Variants in DOCK8 observed in about 807,000 individuals in gnomAD.
DOCK8 encodes dedicator of cytokinesis 8.
DOCK8 carries 141 observed loss-of-function variants against 245.6 expected under a neutral mutation model. The observed-to-expected ratio is 0.57, with a 90% CI of 0.50 to 0.66. DOCK8 has a LOEUF of 0.66. Ranked by LOEUF, DOCK8 falls within the 30% of genes least tolerant of loss-of-function variation. The pLI is 0.00. For synonymous variants in DOCK8, 1,168 were observed against 970.2 expected, an observed-to-expected ratio of 1.20 and a Z score of -3.79; for missense variants, 2,965 against 2,603.4, an observed-to-expected ratio of 1.14 and a Z score of -3.02.
chr9:239,167 G>C (rs1049130220), intron 1 of DOCK8, among the ~76,000 whole-genome samples: 8 of 152,170 alleles, frequency 5.3e-5, no homozygotes, highest in African/African-American at 1.9e-4. Flanking sequence ...GCTGTATTTA[G>C]AGTTCACAAA....
At chr9:428,910 C>T (rs759068727) in intron 35 of DOCK8, among the ~76,000 whole-genome samples, 21 of 152,328 alleles carry the variant, frequency 1.4e-4, no homozygotes, top group Middle Eastern at 3.4e-3. Flanking sequence ...GAATTTCTCA[C>T]GGCCTGAGGA....
chr9:236,539 C>T (rs1032904728), intron 1 of DOCK8, among the ~76,000 whole-genome samples: 2 of 152,170 alleles, frequency 1.3e-5, no homozygotes, highest in Non-Finnish European at 2.9e-5. Flanking sequence ...AGAACTTCCA[C>T]TATGGCATCA....
intron 14 of DOCK8, among the ~76,000 whole-genome samples, chr9:347,819 C>T (rs888925541): frequency 2.0e-5 from 3 of 152,164 alleles, no homozygotes; most frequent in Non-Finnish European, 4.4e-5. Flanking sequence ...TGAAAAAATT[C>T]AGGAGGGAAC....
chr9:326,698 C>A (rs1378021491), intron 8 of DOCK8, among the ~76,000 whole-genome samples: 1 of 152,238 alleles, frequency 6.6e-6, no homozygotes, highest in Non-Finnish European at 1.5e-5. Context: ...GAAATACAGG[C>A]TGGCAGTGGC....
At chr9:248,435 T>G (rs1475021008) in intron 1 of DOCK8, among the ~76,000 whole-genome samples, 3 of 145,702 alleles carry the variant, frequency 2.1e-5, no homozygotes, top group Non-Finnish European at 4.6e-5. Flanking sequence ...TTCCCTTCCT[T>G]CTGTCTTTCC....
At chr9:366,337 A>C (rs1482154458) in intron 14 of DOCK8, 1 of 152,308 alleles carries the variant, frequency 6.6e-6, no homozygotes, top group Admixed American at 6.5e-5. Context: ...CAAAATAGAG[A>C]GATGAGGGTA....
chr9:354,240 G>T (rs911348958), intron 14 of DOCK8, among the ~76,000 whole-genome samples: 8 of 152,146 alleles, frequency 5.3e-5, no homozygotes, highest in African/African-American at 1.9e-4. Flanking sequence ...GCTGAGGCAG[G>T]AGAATCACTT....
rs1306281461 is a variant in DOCK8 at position 396,829 on chromosome 9, C to T, written c.3015C>T (p.Asp1005=). Residue 1005 remains aspartate (D), a synonymous_variant, in exon 25 of 48, where the codon GAC becomes GAT. Coordinates refer to ENST00000432829, the MANE Select transcript of DOCK8 (RefSeq NM_203447.4). ...ACGTACATAACATGGACAAACGGGA[C>T]AGTTTTCGGAGGACTCGTTTTTCTG... The part of the protein sequence containing the change: ...AQHVHNMDKR[D]SFRRTRFSDR... 6 of 1,614,116 alleles carry T rather than the reference C, an allele frequency of 3.7e-6. No homozygotes were observed. The highest frequency in any genetic ancestry group is 1.1e-5 in the South Asian group (1 of 91,082).
chr9:340,045 CA>C lies in DOCK8; in HGVS notation c.1517-113del, dbSNP rs1162217426. On this transcript the variant is annotated intron_variant, in intron 13 of 47. Coordinates refer to ENST00000432829, the MANE Select transcript of DOCK8 (RefSeq NM_203447.4). ...GGAAATTAGCTCCAAAACTTTTTTA[CA>C]GTACTATAGTTTGTTCTTATTTTCA... 5 of 1,226,826 alleles carry C rather than the reference CA, an allele frequency of 4.1e-6. No homozygotes were observed. The Admixed American group carries it at 6.5e-5, about 16-fold the overall frequency. 76.0% of individuals were successfully genotyped at this position (1,226,826 alleles called of 1,614,324 possible).
intron 14 of DOCK8, among the ~76,000 whole-genome samples, chr9:362,645 A>G (rs185626495): frequency 5.4e-4 from 83 of 152,306 alleles, no homozygotes; most frequent in African/African-American, 1.9e-3. Context: ...AAGCTCAGCT[A>G]AAGAGGTGTT....
chr9:442,124 A>C (rs551755349), intron 42 of DOCK8, 115 bp downstream of exon 42: 4 of 1,457,450 alleles, frequency 2.7e-6, no homozygotes, highest in Non-Finnish European at 3.8e-6. Flanking sequence ...TGATCTCTAC[A>C]TAAAGTTTTC....
Position 339,036 on chromosome 9 carries a change from T to A in DOCK8, c.1453T>A (p.Phe485Ile), listed in dbSNP as rs754666720. 1.2e-6 allele frequency: 2 copies of A among 1,614,154 alleles called. No individual in the cohort carries two copies. Among genetic ancestry groups the A allele is most frequent in the South Asian group, 2.2e-5 (2 of 91,086 alleles). The part of the protein sequence containing the change: ...EGDRLSDEDL[F>I]KFLADYKRSS... The stretch of plus-strand genomic sequence containing the variant: ...AGATCGCCTTAGCGATGAAGACTTA[T>A]TCAAGTTTTTAGCTGACTACAAAAG... The change falls in exon 13 of 48, where the codon TTC becomes ATC. Residue 485 changes from phenylalanine (F) to isoleucine (I), a missense_variant. This residue lies in a region of DOCK8 where 2,825 missense variants were observed against 2,453.5 expected (regional missense o/e 1.15). Coordinates refer to ENST00000432829, the MANE Select transcript of DOCK8 (RefSeq NM_203447.4).
At chr9:282,588 T>G (rs1374511427) in intron 2 of DOCK8, among the ~76,000 whole-genome samples, 2 of 146,896 alleles carry the variant, frequency 1.4e-5, no homozygotes, top group African/African-American at 4.9e-5. Flanking sequence ...CCATCTAACT[T>G]TAAAAAAAAA....
At position 282,650 on chromosome 9, in the gene DOCK8, C is replaced by T. The variant is rs144021436; in HGVS notation, c.157-3811C>T. ...TTTTGCCCAGGCTGGTCTCATACTC[C>T]TGGCTCAAGCAATCCTCCTGCGTTG... On this transcript the variant is annotated intron_variant, in intron 2 of 47. Transcript: ENST00000432829. 2.1e-4 allele frequency among the ~76,000 whole-genome samples: 32 copies of T among 152,180 alleles called. No individual in the cohort carries two copies. The East Asian group carries it at 5.8e-3, about 28-fold the overall frequency.
intron 1 of DOCK8, among the ~76,000 whole-genome samples, chr9:222,918 A>T (rs556738819): frequency 4.0e-4 from 61 of 152,374 alleles, no homozygotes; most frequent in Non-Finnish European, 6.9e-4. Flanking sequence ...TTTTAAATAA[A>T]ATAGCAAATG....
chr9:373,160 C>T (rs928288189), intron 18 of DOCK8, among the ~76,000 whole-genome samples: 1 of 152,082 alleles, frequency 6.6e-6, no homozygotes, highest in East Asian at 1.9e-4. Flanking sequence ...GAGTGAGACT[C>T]CATCTCAAAA....
At chr9:393,342 G>T (rs998640745) in intron 24 of DOCK8, among the ~76,000 whole-genome samples, 3 of 151,822 alleles carry the variant, frequency 2.0e-5, no homozygotes, top group Non-Finnish European at 2.9e-5. Flanking sequence ...CATACCAATG[G>T]GAGAAAGAAT....
At chr9:291,059 TAAATA>T (rs2049018020) in intron 4 of DOCK8, among the ~76,000 whole-genome samples, 1 of 152,192 alleles carries the variant, frequency 6.6e-6, no homozygotes, top group Non-Finnish European at 1.5e-5. Flanking sequence ...TTGCTGATAA[TAAATA>T]AAAGATTTCA....
chr9:376,942 T>G, intron 19 of DOCK8, 35 bp from the exon 20 acceptor site: 2 of 1,585,794 alleles, frequency 1.3e-6, no homozygotes, highest in Non-Finnish European at 1.7e-6. Flanking sequence ...ATTGATGGTA[T>G]AAAACCCCAT....
Sources: gnomAD v4.1 joint callset for allele counts (sites outside exome capture counted in the v4.1 genomes callset) on GRCh38, gnomAD v4.1.1 for gene constraint, gnomAD v4.1.1 regional missense constraint, MANE v1.5 for transcripts, NCBI Gene and HGNC (gene_info 2026-07-23, HGNC 2026-07-21) for gene names.